The following CDH12 variants were observed in gnomAD, a reference collection of about 807,000 sequenced individuals.
CDH12 encodes the protein cadherin 12, also known as cadherin-12.
CDH12 carries 41 observed loss-of-function variants against 74.1 expected under a neutral mutation model. The ratio of observed to expected loss-of-function variants is 0.55; its 90% CI spans 0.43 to 0.72. The LOEUF is 0.72. CDH12 is among the 30% of genes least tolerant of loss of function. The pLI, the probability that CDH12 is intolerant of heterozygous loss-of-function variation, is 0.00. For missense variants in CDH12, 945 were observed against 977.2 expected, an observed-to-expected ratio of 0.97 and a Z score of 0.44; for synonymous variants, 399 against 355.0, an observed-to-expected ratio of 1.12 and a Z score of -1.39.
intron 6 of CDH12, among the ~76,000 whole-genome samples, chr5:21,903,831 G>A (rs1359101141): frequency 6.6e-6 from 1 of 152,006 alleles, no homozygotes; most frequent in Non-Finnish European, 1.5e-5. Context: ...TGGAAAGTAG[G>A]AGCCAAAAGA....
intron 3 of CDH12, among the ~76,000 whole-genome samples, chr5:22,353,854 T>G (rs1030350927): frequency 2.0e-5 from 3 of 152,188 alleles, no homozygotes; most frequent in African/African-American, 4.8e-5. Flanking sequence ...AGAATTGCAA[T>G]GCATCAAGTG....
At chr5:22,244,260 T>G (rs1053619097) in intron 3 of CDH12, among the ~76,000 whole-genome samples, 2 of 151,780 alleles carry the variant, frequency 1.3e-5, no homozygotes, top group African/African-American at 2.4e-5. Flanking sequence ...GAGGCCAAGG[T>G]GGGTGGATCA....
chr5:22,027,906 T>C (rs913141857), intron 5 of CDH12, among the ~76,000 whole-genome samples: 3 of 152,184 alleles, frequency 2.0e-5, no homozygotes, highest in African/African-American at 7.2e-5. Flanking sequence ...ATTGTGATTT[T>C]AGGGTGTCAA....
chr5:22,546,416 T>C (rs1738332162), intron 1 of CDH12, among the ~76,000 whole-genome samples: 1 of 152,200 alleles, frequency 6.6e-6, no homozygotes, highest in Admixed American at 6.5e-5. Flanking sequence ...CTCTGTAGCA[T>C]GTTCAGACCA....
At chr5:22,775,807 A>G (rs1359738947) in intron 1 of CDH12, among the ~76,000 whole-genome samples, 1 of 152,154 alleles carries the variant, frequency 6.6e-6, no homozygotes, top group East Asian at 1.9e-4. Flanking sequence ...CCCAGCTCTC[A>G]ATTGAATTGT....
intron 2 of CDH12, among the ~76,000 whole-genome samples, chr5:22,426,357 T>C (rs983567629): frequency 9.2e-5 from 14 of 152,012 alleles, no homozygotes; most frequent in Admixed American, 5.2e-4. Context: ...TGTTTGTTTG[T>C]TATCAAAGAA....
chr5:22,308,924 AGAGAGAGAAAGAG>A lies in CDH12; in HGVS notation c.-332-96294_-332-96282del, dbSNP rs2150426306. On this transcript the variant is annotated intron_variant, in intron 3 of 14. Coordinates refer to ENST00000382254, the MANE Select transcript of CDH12 (RefSeq NM_004061.5). ...GAGAGAGAGGAGAGAGAGAGAGGAG[AGAGAGAGAAAGAG>A]AGAGAGAGAGGAGAGAGAGGAGAGA... Among the ~76,000 whole-genome samples, 5 of 24,426 alleles carry A rather than the reference AGAGAGAGAAAGAG, an allele frequency of 2.0e-4. No homozygotes were observed. The Admixed American group carries it at 3.8e-3, about 19-fold the overall frequency. 16.0% of individuals were successfully genotyped at this position (24,426 alleles called of 152,430 possible). A position where few individuals can be genotyped will look rare whatever the true frequency, so the allele number is the denominator to read the frequency against.
chr5:22,453,640 A>T (rs961703141), intron 2 of CDH12, among the ~76,000 whole-genome samples: 4 of 152,146 alleles, frequency 2.6e-5, no homozygotes, highest in African/African-American at 7.2e-5. Context: ...CTTCGCTAGG[A>T]GGAATAGATC....
intron 1 of CDH12, among the ~76,000 whole-genome samples, chr5:22,739,545 A>G (rs10041955): frequency 0.82 from 123,934 of 151,462 alleles, 50,826 homozygotes; most frequent in East Asian, 0.85. Context: ...ACAGTAGTCT[A>G]CCTTATTGTT....
intron 1 of CDH12, among the ~76,000 whole-genome samples, chr5:22,715,436 T>C (rs1743521855): frequency 6.6e-6 from 1 of 152,184 alleles, no homozygotes; most frequent in African/African-American, 2.4e-5. Flanking sequence ...CAGCCACTTA[T>C]TGTGCTGCTA....
At chr5:22,539,530 C>T (rs576127702) in intron 1 of CDH12, among the ~76,000 whole-genome samples, 1 of 152,286 alleles carries the variant, frequency 6.6e-6, no homozygotes, top group South Asian at 2.1e-4. Flanking sequence ...AGGGACACAA[C>T]CAATCGTCTC....
intron 3 of CDH12, among the ~76,000 whole-genome samples, chr5:22,358,613 C>T (rs576647146): frequency 1.3e-5 from 2 of 152,250 alleles, no homozygotes; most frequent in South Asian, 2.1e-4. Context: ...TCATATATTC[C>T]TTTCCAAATG....
At chr5:21,863,140 A>G (rs1272949701) in intron 6 of CDH12, among the ~76,000 whole-genome samples, 1 of 152,190 alleles carries the variant, frequency 6.6e-6, no homozygotes, top group Non-Finnish European at 1.5e-5. Flanking sequence ...TGACATGAAC[A>G]GATTTCAAAT....
At chr5:22,257,248 C>T (rs1753350135) in intron 3 of CDH12, among the ~76,000 whole-genome samples, 1 of 152,042 alleles carries the variant, frequency 6.6e-6, no homozygotes, top group African/African-American at 2.4e-5. Context: ...TGGGTGACAA[C>T]ATAATCTGCA....
intron 1 of CDH12, among the ~76,000 whole-genome samples, chr5:22,796,974 G>C (rs1432313008): frequency 6.6e-6 from 1 of 152,056 alleles, no homozygotes; most frequent in Non-Finnish European, 1.5e-5. Context: ...ATTGCAAAGA[G>C]TTAATAATGG....
chr5:22,793,069 T>G (rs1353486940), intron 1 of CDH12, among the ~76,000 whole-genome samples: 1 of 152,180 alleles, frequency 6.6e-6, no homozygotes, highest in East Asian at 1.9e-4. Context: ...ACTTCTTCAA[T>G]CTAGTTACTA....
intron 6 of CDH12, among the ~76,000 whole-genome samples, chr5:21,944,080 C>G (rs1028169495): frequency 1.3e-5 from 2 of 152,108 alleles, no homozygotes; most frequent in Admixed American, 6.6e-5. Flanking sequence ...ATTGTAGAGA[C>G]ATTTAAAGAT....
intron 10 of CDH12, among the ~76,000 whole-genome samples, chr5:21,797,279 T>C (rs571995400): frequency 2.0e-5 from 3 of 152,088 alleles, no homozygotes; most frequent in Non-Finnish European, 4.4e-5. Context: ...ACAATAACTC[T>C]GTGAAAAGAC....
At chr5:22,169,728 T>C (rs1293043096) in intron 4 of CDH12, among the ~76,000 whole-genome samples, 6 of 152,112 alleles carry the variant, frequency 3.9e-5, no homozygotes, top group African/African-American at 1.4e-4. Context: ...ACAAAGCTAA[T>C]TGATACATAA....
Sources: gnomAD v4.1 joint callset for allele counts (sites outside exome capture counted in the v4.1 genomes callset) on GRCh38, gnomAD v4.1.1 for gene constraint, MANE v1.5 for transcripts, NCBI Gene and HGNC (gene_info 2026-07-23, HGNC 2026-07-21) for gene names.